Variants in SPIN1 observed in about 807,000 individuals in gnomAD.
The protein encoded by SPIN1 is spindlin 1.
Under a neutral mutation model 26.0 loss-of-function variants are expected in SPIN1, and 3 were observed. The ratio of observed to expected loss-of-function variants is 0.12; its 90% CI spans 0.05 to 0.30. SPIN1 has a LOEUF of 0.30. Ranked by LOEUF, SPIN1 falls within the 10% of genes least tolerant of loss-of-function variation. SPIN1 has a pLI of 1.00. For synonymous variants in SPIN1, 101 were observed against 116.5 expected, an observed-to-expected ratio of 0.87 and a Z score of 0.86; for missense variants, 126 against 333.4, an observed-to-expected ratio of 0.38 and a Z score of 4.84.
chr9:88,454,786 A>G (rs1430219784), intron 3 of SPIN1, among the ~76,000 whole-genome samples: 1 of 152,212 alleles, frequency 6.6e-6, no homozygotes, highest in Non-Finnish European at 1.5e-5. Flanking sequence ...AGCACAGTCT[A>G]GGTTTGTTTA....
At position 88,410,487 on chromosome 9, in the gene SPIN1, C is replaced by A. The variant is rs1438208832; in HGVS notation, c.-158-15895C>A. 6.7e-6 allele frequency: 5 copies of A among 741,768 alleles called. No individual in the cohort carries two copies. The Middle Eastern group carries it at 1.1e-3, about 165-fold the overall frequency. 45.9% of individuals were successfully genotyped at this position (741,768 alleles called of 1,614,324 possible). ...CTGTTTTAACCTGTAGCTTCTCTGT[C>A]ACTTCTCTGGTTCTCCTCTCCTGCT... On this transcript the variant is annotated intron_variant, in intron 1 of 5. Coordinates refer to ENST00000375859, the MANE Select transcript of SPIN1 (RefSeq NM_006717.3).
rs1224908910 is a variant in SPIN1, at chr9:88,475,628, TTGA to T, written c.*354_*356del. On this transcript the variant is annotated 3_prime_UTR_variant, in exon 6 of 6. Transcript: ENST00000375859. ...TCTGCCGCCACAATGCAAGCATAGT[TTGA>T]TGTTTTCGTTATTGCCTTTTTTGAG... The T allele has an allele frequency of 1.5e-5, 3 of 205,036 alleles. No homozygotes were observed. Among genetic ancestry groups the T allele is most frequent in the Non-Finnish European group, 3.0e-5 (3 of 99,630 alleles). 12.7% of individuals were successfully genotyped at this position (205,036 alleles called of 1,614,324 possible). A position where few individuals can be genotyped will look rare whatever the true frequency, so the allele number is the denominator to read the frequency against.
chr9:88,389,153 C>T (rs944683754), intron 1 of SPIN1, among the ~76,000 whole-genome samples: 3 of 152,156 alleles, frequency 2.0e-5, no homozygotes, highest in Non-Finnish European at 4.4e-5. Flanking sequence ...GCCGGAACGC[C>T]CACCGGCCAG....
chr9:88,391,401 A>G (rs1010685601), intron 1 of SPIN1: 1 of 172,806 alleles, frequency 5.8e-6, no homozygotes. Context: ...TCCCTGTTGT[A>G]GCATTCTCAG....
chr9:88,403,314 A>G (rs1827228282), intron 1 of SPIN1, among the ~76,000 whole-genome samples: 1 of 152,162 alleles, frequency 6.6e-6, no homozygotes. Context: ...AAAGAGATGT[A>G]TTAATACTTT....
At chr9:88,420,345 C>T (rs1827646418) in intron 1 of SPIN1, among the ~76,000 whole-genome samples, 1 of 152,214 alleles carries the variant, frequency 6.6e-6, no homozygotes, top group African/African-American at 2.4e-5. Flanking sequence ...ATTGCACTTC[C>T]AGCCTGAGCA....
At chr9:88,467,673 A>G (rs1828697709) in intron 4 of SPIN1, among the ~76,000 whole-genome samples, 1 of 152,174 alleles carries the variant, frequency 6.6e-6, no homozygotes. Context: ...GTTGTTTTTC[A>G]AATTATAAAG....
At chr9:88,470,405 A>T (rs1828756406) in intron 5 of SPIN1, among the ~76,000 whole-genome samples, 1 of 152,154 alleles carries the variant, frequency 6.6e-6, no homozygotes, top group South Asian at 2.1e-4. Context: ...TAATTTTAAA[A>T]ACGGAAATAC....
chr9:88,417,804 A>G (rs952249687), intron 1 of SPIN1, among the ~76,000 whole-genome samples: 3 of 152,236 alleles, frequency 2.0e-5, no homozygotes, highest in Admixed American at 2.0e-4. Flanking sequence ...CTTCTGACAC[A>G]CTAGCTATAA....
chr9:88,466,728 TTTG>T (rs779792794), intron 4 of SPIN1, among the ~76,000 whole-genome samples: 24 of 152,106 alleles, frequency 1.6e-4, no homozygotes, highest in African/African-American at 3.4e-4. Flanking sequence ...GAGCTAATTG[TTTG>T]TTGTTGTTGT....
chr9:88,447,369 T>C (rs1246192920), intron 2 of SPIN1, among the ~76,000 whole-genome samples: 1 of 152,232 alleles, frequency 6.6e-6, no homozygotes, highest in African/African-American at 2.4e-5. Context: ...GGAGTTACAA[T>C]CTGCTACTTT....
intron 2 of SPIN1, among the ~76,000 whole-genome samples, chr9:88,445,440 C>T (rs914033427): frequency 6.6e-6 from 1 of 151,662 alleles, no homozygotes; most frequent in Non-Finnish European, 1.5e-5. Context: ...GCAGTCAGGC[C>T]TATCTCCCAG....
chr9:88,459,464 T>A (rs1010616370), intron 3 of SPIN1, among the ~76,000 whole-genome samples: 6 of 152,184 alleles, frequency 3.9e-5, no homozygotes, highest in Non-Finnish European at 7.3e-5. Flanking sequence ...ATATATATAT[T>A]GGTTCCTTAC....
chr9:88,410,292 T>C (rs1166157107), intron 1 of SPIN1, among the ~76,000 whole-genome samples: 6 of 152,114 alleles, frequency 3.9e-5, no homozygotes, highest in African/African-American at 1.2e-4. Flanking sequence ...TTAAAACCTT[T>C]TGTTGGAATG....
intron 1 of SPIN1, among the ~76,000 whole-genome samples, chr9:88,419,657 A>G (rs1356054730): frequency 6.6e-6 from 1 of 152,254 alleles, no homozygotes; most frequent in African/African-American, 2.4e-5. Flanking sequence ...GAAAAATTTG[A>G]ACTGAAATAA....
At chr9:88,437,129 G>A (rs1396450661) in intron 2 of SPIN1, among the ~76,000 whole-genome samples, 1 of 151,948 alleles carries the variant, frequency 6.6e-6, no homozygotes, top group Non-Finnish European at 1.5e-5. Flanking sequence ...CTACTGTTTG[G>A]ATGCACAAGT....
chr9:88,448,537 C>T (rs1273162509), intron 2 of SPIN1, among the ~76,000 whole-genome samples: 3 of 151,874 alleles, frequency 2.0e-5, no homozygotes. Flanking sequence ...TTTGTAGAGA[C>T]AAGGTCTTGC....
chr9:88,444,102 T>G (rs931036988), intron 2 of SPIN1, among the ~76,000 whole-genome samples: 1 of 152,086 alleles, frequency 6.6e-6, no homozygotes, highest in Non-Finnish European at 1.5e-5. Context: ...GTCTAAGAAG[T>G]TGTTGATTTT....
intron 1 of SPIN1, among the ~76,000 whole-genome samples, chr9:88,396,275 G>A (rs1827055974): frequency 1.3e-5 from 2 of 151,608 alleles, no homozygotes; most frequent in Admixed American, 6.6e-5. Flanking sequence ...AGGCAGATCT[G>A]ACCATGTCAG....
Sources: allele counts gnomAD v4.1 joint callset (sites outside exome capture counted in the v4.1 genomes callset), GRCh38; gene constraint gnomAD v4.1.1; transcripts MANE v1.5; gene names NCBI Gene and HGNC (gene_info 2026-07-23, HGNC 2026-07-21).